Variants in ALK observed in about 807,000 individuals in gnomAD.
ALK encodes the protein ALK tyrosine kinase receptor.
In ALK, 74 loss-of-function variants were observed where a neutral mutation model predicts 163.1. The observed-to-expected ratio is 0.45, with a 90% confidence interval of 0.38 to 0.55. The LOEUF (loss-of-function observed/expected upper bound fraction) is 0.55. ALK is among the 20% of genes least tolerant of loss of function. The pLI is 0.00. For synonymous variants in ALK, 960 were observed against 843.2 expected, an observed-to-expected ratio of 1.14 and a Z score of -2.40; for missense variants, 2,063 against 2,105.3, an observed-to-expected ratio of 0.98 and a Z score of 0.39.
chr2:29,444,260 T>C (rs1486956305), intron 4 of ALK, among the ~76,000 whole-genome samples: 2 of 152,078 alleles, frequency 1.3e-5, no homozygotes, highest in Non-Finnish European at 2.9e-5. Context: ...GGCAGGAACA[T>C]GAAGGAAACT....
At chr2:29,266,442 C>T (rs1287621071) in intron 11 of ALK, among the ~76,000 whole-genome samples, 3 of 152,178 alleles carry the variant, frequency 2.0e-5, no homozygotes, top group African/African-American at 7.2e-5. Flanking sequence ...GAAGGCAACA[C>T]ATGAGGGGTG....
intron 1 of ALK, among the ~76,000 whole-genome samples, chr2:29,822,916 A>G (rs1160476561): frequency 6.6e-6 from 1 of 152,218 alleles, no homozygotes; most frequent in Non-Finnish European, 1.5e-5. Flanking sequence ...CAATGATTCT[A>G]CATGGAGGGA....
At chr2:29,475,377 C>T (rs1292821715) in intron 4 of ALK, among the ~76,000 whole-genome samples, 1 of 152,148 alleles carries the variant, frequency 6.6e-6, no homozygotes, top group Non-Finnish European at 1.5e-5. Context: ...AAGAAATAGG[C>T]CCCAAGAGGT....
chr2:29,847,133 G>A (rs1572432111), intron 1 of ALK, among the ~76,000 whole-genome samples: 2 of 152,090 alleles, frequency 1.3e-5, no homozygotes, highest in Non-Finnish European at 2.9e-5. Context: ...ATTGCCAAGA[G>A]AAGCCGTGTT....
intron 4 of ALK, among the ~76,000 whole-genome samples, chr2:29,502,378 T>C (rs1672210885): frequency 6.6e-6 from 1 of 152,196 alleles, no homozygotes; most frequent in Non-Finnish European, 1.5e-5. Flanking sequence ...TTGTAAAAGA[T>C]CAGTTTTGTA....
intron 1 of ALK, among the ~76,000 whole-genome samples, chr2:29,875,792 G>A (rs960506179): frequency 3.9e-5 from 6 of 152,124 alleles, no homozygotes; most frequent in African/African-American, 1.4e-4. Context: ...AGTATTCCAT[G>A]GTGTGTATGT....
chr2:29,619,825 G>T (rs568285247), intron 3 of ALK, among the ~76,000 whole-genome samples: 6 of 152,344 alleles, frequency 3.9e-5, no homozygotes, highest in Admixed American at 3.9e-4. Context: ...CCCTGCTGCT[G>T]CCTTCTGACA....
At chr2:29,553,361 T>G (rs1673764724) in intron 3 of ALK, among the ~76,000 whole-genome samples, 1 of 152,208 alleles carries the variant, frequency 6.6e-6, no homozygotes, top group African/African-American at 2.4e-5. Context: ...ATGTTGAACT[T>G]TGCAGCTTCC....
At chr2:29,832,793 A>G (rs1293329594) in intron 1 of ALK, among the ~76,000 whole-genome samples, 1 of 152,202 alleles carries the variant, frequency 6.6e-6, no homozygotes, top group Non-Finnish European at 1.5e-5. Flanking sequence ...ATGGGTCTCA[A>G]AGTCTAGTGG....
intron 3 of ALK, among the ~76,000 whole-genome samples, chr2:29,670,659 T>A (rs1677655754): frequency 6.6e-6 from 1 of 152,068 alleles, no homozygotes; most frequent in East Asian, 1.9e-4. Context: ...TCTTTGGAGA[T>A]AATTTTCTAT....
intron 9 of ALK, among the ~76,000 whole-genome samples, chr2:29,280,632 G>GA (rs1665690653): frequency 6.6e-6 from 1 of 150,704 alleles, no homozygotes; most frequent in Admixed American, 6.6e-5. Context: ...GGGACTGAGG[G>GA]AAAGTTCTAG....
At chr2:29,915,511 C>T (rs1029846862) in intron 1 of ALK, among the ~76,000 whole-genome samples, 6 of 152,262 alleles carry the variant, frequency 3.9e-5, no homozygotes, top group Middle Eastern at 3.4e-3. Context: ...TGAGCCACTG[C>T]GGCCAGCCTA....
intron 3 of ALK, among the ~76,000 whole-genome samples, chr2:29,606,222 A>G (rs1573494093): frequency 6.6e-6 from 1 of 152,206 alleles, no homozygotes; most frequent in African/African-American, 2.4e-5. Flanking sequence ...CCTCACAGAA[A>G]TCAGGAAATG....
chr2:29,294,027 A>T (rs1881418), intron 9 of ALK, among the ~76,000 whole-genome samples: 30 of 152,272 alleles, frequency 2.0e-4, no homozygotes, highest in South Asian at 6.2e-4. Flanking sequence ...CTGTCCACAA[A>T]GTAGGTGCTG....
At chr2:29,397,609 A>G (rs1201596878) in intron 4 of ALK, among the ~76,000 whole-genome samples, 1 of 152,172 alleles carries the variant, frequency 6.6e-6, no homozygotes, top group Non-Finnish European at 1.5e-5. Context: ...GAATGGTATC[A>G]TTTTCTATGT....
chr2:29,749,588 C>A (rs2148330003), intron 1 of ALK, among the ~76,000 whole-genome samples: 1 of 152,212 alleles, frequency 6.6e-6, no homozygotes, highest in Middle Eastern at 3.4e-3. Flanking sequence ...CAAGGAAAGG[C>A]CTAACAGTTG....
At chr2:29,489,413 C>T (rs1218314880) in intron 4 of ALK, among the ~76,000 whole-genome samples, 1 of 152,104 alleles carries the variant, frequency 6.6e-6, no homozygotes, top group East Asian at 1.9e-4. Context: ...AATCTGCCCA[C>T]CTCAAACTTC....
At chr2:29,752,294 T>C (rs1680387635) in intron 1 of ALK, among the ~76,000 whole-genome samples, 1 of 152,064 alleles carries the variant, frequency 6.6e-6, no homozygotes, top group South Asian at 2.1e-4. Flanking sequence ...TAGGCTATGA[T>C]GTTTGGTAGC....
intron 23 of ALK, among the ~76,000 whole-genome samples, chr2:29,216,848 GGTGT>G (rs1169216051): frequency 6.7e-6 from 1 of 149,558 alleles, no homozygotes; most frequent in Non-Finnish European, 1.5e-5. Context: ...CAGTATATAT[GGTGT>G]GTGTTGTATG....
Sources: allele counts gnomAD v4.1 joint callset (sites outside exome capture counted in the v4.1 genomes callset), GRCh38; gene constraint gnomAD v4.1.1; transcripts MANE v1.5; gene names NCBI Gene and HGNC (gene_info 2026-07-23, HGNC 2026-07-21).